ITGA1: variants seen among roughly 807,000 people sequenced by gnomAD.
The protein encoded by ITGA1 is integrin alpha-1.
ITGA1 carries 85 observed loss-of-function variants against 145.9 expected under a neutral mutation model. That is an observed-to-expected ratio of 0.58 (90% CI 0.49 to 0.70). ITGA1 has a LOEUF of 0.70. ITGA1 is among the 30% of genes least tolerant of loss of function. The probability of loss-of-function intolerance (pLI) is 0.00; values close to 1 mark genes in which losing one functional copy is unlikely to be tolerated. For synonymous variants in ITGA1, 520 were observed against 495.3 expected, an observed-to-expected ratio of 1.05 and a Z score of -0.66; for missense variants, 1,351 against 1,418.7, an observed-to-expected ratio of 0.95 and a Z score of 0.77.
chr5:52,865,172 A>G (rs1455496076), intron 5 of ITGA1, 90 bp downstream of exon 5: 3 of 947,144 alleles, frequency 3.2e-6, no homozygotes, highest in Admixed American at 5.3e-5. Flanking sequence ...CAAAAAGCTT[A>G]AAGTATTTTC....
intron 24 of ITGA1, among the ~76,000 whole-genome samples, chr5:52,938,166 T>G (rs1052073765): frequency 6.6e-6 from 1 of 152,236 alleles, no homozygotes; most frequent in Non-Finnish European, 1.5e-5. Context: ...GAAATGTTTC[T>G]TACACTTTTC....
chr5:52,912,150 A>T (rs1220361110), intron 14 of ITGA1, among the ~76,000 whole-genome samples: 2 of 142,992 alleles, frequency 1.4e-5, no homozygotes, highest in Non-Finnish European at 3.0e-5. Context: ...TAGTATATAG[A>T]TATGCTATAT....
chr5:52,882,110 A>G, intron 7 of ITGA1, 89 bp downstream of exon 7: 1 of 1,102,446 alleles, frequency 9.1e-7, no homozygotes, highest in Middle Eastern at 2.2e-4. Flanking sequence ...TGAAAGTTTA[A>G]TATGACAATA....
At chr5:52,952,194 AAAAAG>A (rs1751232133) in intron 28 of ITGA1, among the ~76,000 whole-genome samples, 2 of 114,424 alleles carry the variant, frequency 1.7e-5, no homozygotes, top group African/African-American at 2.9e-5. Context: ...CTCAAAAAAA[AAAAAG>A]AAAAGAAAAA....
intron 1 of ITGA1, among the ~76,000 whole-genome samples, chr5:52,799,207 A>G (rs1748404291): frequency 6.6e-6 from 1 of 152,206 alleles, no homozygotes; most frequent in Non-Finnish European, 1.5e-5. Flanking sequence ...TCGGTCTCTT[A>G]AAGAGGCAAT....
rs1329776373 is a variant in ITGA1 at position 52,927,568 on chromosome 5, T to C, written c.2614-16T>C. ...CCTGCTTGTCCACTCTGATTCTGTTTGCTTTCTCTTCCTAGGCTATCCAAA... is the reference window on the plus strand; with the variant it reads ...CCTGCTTGTCCACTCTGATTCTGTTCGCTTTCTCTTCCTAGGCTATCCAAA... On this transcript the variant is annotated splice_polypyrimidine_tract_variant and intron_variant, in intron 19 of 28. Transcript: ENST00000282588. 1 of 1,577,358 alleles carries C rather than the reference T, an allele frequency of 6.3e-7. No homozygotes were observed. The highest frequency in any genetic ancestry group is 2.3e-5 in the East Asian group (1 of 44,436).
chr5:52,907,595 G>A (rs545450883), intron 12 of ITGA1, among the ~76,000 whole-genome samples: 3 of 152,304 alleles, frequency 2.0e-5, no homozygotes, highest in East Asian at 3.9e-4. Flanking sequence ...AAGCAATTTA[G>A]ATATTTTTTA....
At position 52,857,934 on chromosome 5, in the gene ITGA1, C is replaced by T. The variant is rs192131068; in HGVS notation, c.183-3513C>T. ...TTCCCCATCTCTATACTTATGCATA[C>T]TTGGAATTGCCTCCAAAAAACTTAC... On this transcript the variant is annotated intron_variant, in intron 2 of 28. Coordinates refer to ENST00000282588, the MANE Select transcript of ITGA1 (RefSeq NM_181501.2). Among the ~76,000 whole-genome samples the T allele has an allele frequency of 4.1e-3, 627 of 152,228 alleles. 9 individuals carry two copies. Among genetic ancestry groups the T allele is most frequent in the African/African-American group, 0.015 (608 of 41,552 alleles).
chr5:52,917,694 G>C (rs1313738116), intron 15 of ITGA1, among the ~76,000 whole-genome samples: 1 of 152,122 alleles, frequency 6.6e-6, no homozygotes, highest in African/African-American at 2.4e-5. Context: ...TTGTATATAT[G>C]TATGTATGCA....
At chr5:52,920,067 C>T (rs1009399302) in intron 16 of ITGA1, among the ~76,000 whole-genome samples, 5 of 152,020 alleles carry the variant, frequency 3.3e-5, no homozygotes, top group African/African-American at 1.2e-4. Context: ...GGCAGGTGTG[C>T]ATGTGTGTAT....
chr5:52,799,569 T>C (rs1417452771), intron 1 of ITGA1, among the ~76,000 whole-genome samples: 3 of 152,206 alleles, frequency 2.0e-5, no homozygotes, highest in African/African-American at 7.2e-5. Flanking sequence ...TCTGGGTGAA[T>C]CAGATCGTGC....
intron 7 of ITGA1, among the ~76,000 whole-genome samples, chr5:52,882,246 A>G (rs1375495155): frequency 6.6e-6 from 1 of 152,162 alleles, no homozygotes; most frequent in Non-Finnish European, 1.5e-5. Context: ...TAATTGATAG[A>G]GAATCCATTT....
intron 1 of ITGA1, among the ~76,000 whole-genome samples, chr5:52,808,908 A>G (rs1164562658): frequency 6.6e-6 from 1 of 151,960 alleles, no homozygotes; most frequent in East Asian, 1.9e-4. Context: ...TGTTTGATAT[A>G]TCTGATTCCA....
chr5:52,820,531 A>AAC (rs1748861490), intron 1 of ITGA1, among the ~76,000 whole-genome samples: 1 of 150,712 alleles, frequency 6.6e-6, no homozygotes, highest in South Asian at 2.1e-4. Context: ...ATAAAAAAAA[A>AAC]AAAGAAAAAG....
At chr5:52,911,954 CTA>C (rs1750553340) in intron 14 of ITGA1, among the ~76,000 whole-genome samples, 1 of 89,564 alleles carries the variant, frequency 1.1e-5, no homozygotes, top group African/African-American at 4.9e-5. Context: ...ACTATATATA[CTA>C]TATATAGTGT....
At chr5:52,794,931 T>C (rs1478613446) in intron 1 of ITGA1, among the ~76,000 whole-genome samples, 4 of 151,970 alleles carry the variant, frequency 2.6e-5, no homozygotes, top group Admixed American at 6.6e-5. Context: ...TCTAAAATAT[T>C]TTAAGAACTT....
intron 7 of ITGA1, among the ~76,000 whole-genome samples, chr5:52,886,202 G>C (rs1750044023): frequency 6.6e-6 from 1 of 152,166 alleles, no homozygotes; most frequent in African/African-American, 2.4e-5. Flanking sequence ...GTCAAGTATA[G>C]AGGGCAGAGA....
At chr5:52,818,673 A>G (rs905314094) in intron 1 of ITGA1, among the ~76,000 whole-genome samples, 1 of 152,222 alleles carries the variant, frequency 6.6e-6, no homozygotes, top group Admixed American at 6.5e-5. Context: ...TTAAATCAGT[A>G]GAGAATGCTA....
chr5:52,942,714 T>C (rs1352149603), intron 26 of ITGA1, among the ~76,000 whole-genome samples: 242 of 140,086 alleles, frequency 1.7e-3, no homozygotes, highest in African/African-American at 5.8e-3. Flanking sequence ...TTTTTTTTTT[T>C]GTATTTTTAG....
Sources: gnomAD v4.1 joint callset for allele counts (sites outside exome capture counted in the v4.1 genomes callset) on GRCh38, gnomAD v4.1.1 for gene constraint, MANE v1.5 for transcripts, NCBI Gene and HGNC (gene_info 2026-07-23, HGNC 2026-07-21) for gene names.